ARHGAP35: variants seen among roughly 807,000 people sequenced by gnomAD.
The protein encoded by ARHGAP35 is Rho GTPase activating protein 35, also known as rho GTPase-activating protein 35.
ARHGAP35 carries 15 observed loss-of-function variants against 111.1 expected under a neutral mutation model. That is an observed-to-expected ratio of 0.13 (90% confidence interval 0.09 to 0.21). The LOEUF (loss-of-function observed/expected upper bound fraction) is 0.21, where lower values mean the gene tolerates loss of function less well. Ranked by LOEUF, ARHGAP35 falls within the 10% of genes least tolerant of loss-of-function variation. The pLI is 1.00. For synonymous variants in ARHGAP35, 643 were observed against 710.3 expected (o/e 0.91, Z 1.51); for missense variants, 1,262 against 1,873.0 (o/e 0.67, Z 6.02).
intron 1 of ARHGAP35, among the ~76,000 whole-genome samples, chr19:46,866,102 A>G (rs555121102): frequency 6.6e-6 from 1 of 152,264 alleles, no homozygotes; most frequent in South Asian, 2.1e-4. Flanking sequence ...CGGCCTCCCA[A>G]AATGCAGAGA....
intron 3 of ARHGAP35, among the ~76,000 whole-genome samples, chr19:46,950,805 C>T (rs1329168046): frequency 1.3e-5 from 2 of 152,176 alleles, no homozygotes; most frequent in East Asian, 3.8e-4. Context: ...ATGGTTTTTA[C>T]CTGCCGGGCC....
At chr19:46,861,644 C>T (rs1045532571) in intron 1 of ARHGAP35, among the ~76,000 whole-genome samples, 4 of 152,026 alleles carry the variant, frequency 2.6e-5, no homozygotes, top group Admixed American at 6.6e-5. Flanking sequence ...CATTCTGCAT[C>T]TCTTAATTGT....
Position 47,000,478 on chromosome 19 carries a change from G to A in ARHGAP35, c.4290G>A (p.Gln1430=), listed in dbSNP as rs1287277173. Residue 1430 remains glutamine (Q), a synonymous_variant, in exon 7 of 7, where the codon CAG becomes CAA. Transcript: ENST00000672722. The surrounding 1 kb of genome is among the most constrained non-coding windows in gnomAD (Gnocchi z 6.9). ...TYQTIIELFI[Q]QCPFFFYNRP... ...AGACAATCATTGAACTCTTTATCCA[G>A]CAGTGCCCCTTCTTCTTCTACAATC... 1 of 1,613,806 alleles carries A rather than the reference G, an allele frequency of 6.2e-7. No homozygotes were observed. Among genetic ancestry groups the A allele is most frequent in the East Asian group, 2.2e-5 (1 of 44,870 alleles).
In ARHGAP35 at chr19:46,992,083, C is replaced by T. The variant is rs562148802; in HGVS notation, c.4036+2408C>T. Among the ~76,000 whole-genome samples the T allele has an allele frequency of 3.3e-5, 5 of 152,320 alleles. No individual in the cohort carries two copies. Among genetic ancestry groups the T allele is most frequent in the East Asian group, 3.9e-4 (2 of 5,194 alleles). ...TTTTCCTCCCACACTCAAGGTGACA[C>T]GTGGGAGATTCAGAAATGAACAGCA... is the stretch of plus-strand genomic sequence containing the variant. On this transcript the variant is annotated intron_variant, in intron 5 of 6. Transcript: ENST00000672722. This position sits in a 1 kb window ranked among gnomAD's most constrained non-coding sequence, Gnocchi z 4.4.
rs910157682 is a variant in ARHGAP35, at chr19:46,908,189, TA to T, written c.-188-10290del. ...GAACTTTTTTCCTAGTGAGAAGTTT[TA>T]AAAAAAAATTAGTAGAGTATAACTG... On this transcript the variant is annotated intron_variant, in intron 1 of 6. Transcript: ENST00000672722. This position sits in a 1 kb window ranked among gnomAD's most constrained non-coding sequence, Gnocchi z 4.2. Among the ~76,000 whole-genome samples, 3 of 151,870 alleles carry T rather than the reference TA, an allele frequency of 2.0e-5. No homozygotes were observed. The highest frequency in any genetic ancestry group is 1.3e-4 in the Admixed American group (2 of 15,238).
Position 46,918,639 on chromosome 19 carries a change from T to C in ARHGAP35, c.-37T>C. On this transcript the variant is annotated 5_prime_UTR_variant, in exon 2 of 7. Coordinates refer to ENST00000672722, the MANE Select transcript of ARHGAP35 (RefSeq NM_004491.5). The surrounding 1 kb of genome is among the most constrained non-coding windows in gnomAD (Gnocchi z 5.4). ...TGGTCCATTGGAAACACTAATCTGA[T>C]CTCAGAAGTGGCTGATCGTGGCAGG... is the stretch of plus-strand genomic sequence containing the variant. 1.3e-6 allele frequency: 2 copies of C among 1,586,670 alleles called. No homozygotes were observed. The highest frequency in any genetic ancestry group is 1.7e-6 in the Non-Finnish European group (2 of 1,163,756).
chr19:46,892,943 C>T (rs1209324790), intron 1 of ARHGAP35, among the ~76,000 whole-genome samples: 1 of 152,118 alleles, frequency 6.6e-6, no homozygotes, highest in Non-Finnish European at 1.5e-5. Context: ...TCAGAGCTTC[C>T]TGGTGTTGCC....
In ARHGAP35 at chr19:46,993,011, C is replaced by T. The variant is rs934822941; in HGVS notation, c.4036+3336C>T. 5.3e-5 allele frequency among the ~76,000 whole-genome samples: 8 copies of T among 152,198 alleles called. No homozygotes were observed. The highest frequency in any genetic ancestry group is 1.9e-4 in the African/African-American group (8 of 41,442). On this transcript the variant is annotated intron_variant, in intron 5 of 6. Coordinates refer to ENST00000672722, the MANE Select transcript of ARHGAP35 (RefSeq NM_004491.5). The surrounding 1 kb of genome is among the most constrained non-coding windows in gnomAD (Gnocchi z 4.6). Reference sequence around the variant, plus strand: ...GGCACGGGGGTGCTTCTCACACCCACGTACGGGGTCATTAATTTCACAGCT... The same window carrying T: ...GGCACGGGGGTGCTTCTCACACCCATGTACGGGGTCATTAATTTCACAGCT...
intron 1 of ARHGAP35, among the ~76,000 whole-genome samples, chr19:46,914,873 C>T (rs1486689104): frequency 6.6e-6 from 1 of 152,178 alleles, no homozygotes; most frequent in Non-Finnish European, 1.5e-5. Context: ...ACAGTTGAGT[C>T]ACAGACAAGG....
chr19:46,964,134 C>CT (rs1296709740), intron 3 of ARHGAP35, among the ~76,000 whole-genome samples: 1 of 151,574 alleles, frequency 6.6e-6, no homozygotes, highest in Non-Finnish European at 1.5e-5. Context: ...TCCTGAAGTG[C>CT]TGGGATTACA....
chr19:47,000,718 C>T lies in ARHGAP35; in HGVS notation c.*30C>T, dbSNP rs757409358. Reference sequence around the variant, plus strand: ...CCAAGACCTGGGGCGACAGGAGAACCGGTCCTCTCTCTGACGGGGTGGCAT... The same window carrying T: ...CCAAGACCTGGGGCGACAGGAGAACTGGTCCTCTCTCTGACGGGGTGGCAT... On this transcript the variant is annotated 3_prime_UTR_variant, in exon 7 of 7. Transcript: ENST00000672722. This position sits in a 1 kb window ranked among gnomAD's most constrained non-coding sequence, Gnocchi z 6.9. 18 of 1,539,332 alleles carry T rather than the reference C, an allele frequency of 1.2e-5. No individual in the cohort carries two copies. The highest frequency in any genetic ancestry group is 1.7e-4 in the Middle Eastern group (1 of 5,816).
At position 46,994,890 on chromosome 19, in the gene ARHGAP35, AGGCAAGAATGGGGCGCT is replaced by A. The variant is rs1328169475; in HGVS notation, c.4037-4412_4037-4396del. Among the ~76,000 whole-genome samples the A allele has an allele frequency of 6.6e-6, 1 of 152,156 alleles. No homozygotes were observed. The highest frequency in any genetic ancestry group is 2.4e-5 in the African/African-American group (1 of 41,432). On this transcript the variant is annotated intron_variant, in intron 5 of 6. Transcript: ENST00000672722. This position sits in a 1 kb window ranked among gnomAD's most constrained non-coding sequence, Gnocchi z 5.4. ...ATGAAAGAATTCGCATTGTCTGACAAGGCAAGAATGGGGCGCTGTCACCACACAACCTCACCCATCCC... is the reference window on the plus strand; with the variant it reads ...ATGAAAGAATTCGCATTGTCTGACAAGTCACCACACAACCTCACCCATCCC...
At chr19:46,933,275 C>G (rs552967990) in intron 2 of ARHGAP35, among the ~76,000 whole-genome samples, 4 of 151,596 alleles carry the variant, frequency 2.6e-5, no homozygotes, top group African/African-American at 9.7e-5. Context: ...TCTCGAGTTG[C>G]TGGGACTACA....
intron 3 of ARHGAP35, among the ~76,000 whole-genome samples, chr19:46,949,764 A>T (rs573692658): frequency 2.0e-5 from 3 of 152,328 alleles, no homozygotes; most frequent in South Asian, 2.1e-4. Context: ...TTTCAAAGGG[A>T]GTTTTTGACA....
chr19:46,970,810 T>C (rs1426198601), intron 3 of ARHGAP35, among the ~76,000 whole-genome samples: 1 of 152,124 alleles, frequency 6.6e-6, no homozygotes, highest in East Asian at 1.9e-4. Context: ...TTGTTGGGAC[T>C]TAAAGGATGA....
At chr19:46,884,382 G>A (rs1188544997) in intron 1 of ARHGAP35, among the ~76,000 whole-genome samples, 2 of 151,740 alleles carry the variant, frequency 1.3e-5, no homozygotes, top group Non-Finnish European at 2.9e-5. Context: ...ACATATGTAG[G>A]TATATACTTA....
chr19:46,937,944 T>G (rs893214218), intron 3 of ARHGAP35, among the ~76,000 whole-genome samples: 1 of 152,242 alleles, frequency 6.6e-6, no homozygotes, highest in African/African-American at 2.4e-5. Flanking sequence ...GCCGCTCCTC[T>G]GACAACTTGA....
At chr19:46,898,654 A>C (rs1192493106) in intron 1 of ARHGAP35, among the ~76,000 whole-genome samples, 1 of 152,210 alleles carries the variant, frequency 6.6e-6, no homozygotes, top group East Asian at 1.9e-4. Context: ...ACTTAAATGC[A>C]AGGGATTTAT....
rs548535239 is a variant in ARHGAP35, at chr19:46,894,216, C to T, written c.-188-24272C>T. On this transcript the variant is annotated intron_variant, in intron 1 of 6. Transcript: ENST00000672722. The stretch of plus-strand genomic sequence containing the variant: ...TCCACACTACTTGGAAGCTCATGGA[C>T]AAAGTCAAGCTTTCTTTAGATCTGG... Among the ~76,000 whole-genome samples the T allele has an allele frequency of 8.1e-4, 123 of 152,178 alleles. 1 individual carries two copies. Among genetic ancestry groups the T allele is most frequent in the African/African-American group, 2.9e-3 (122 of 41,518 alleles).
Sources: gnomAD v4.1 joint callset for allele counts (sites outside exome capture counted in the v4.1 genomes callset) on GRCh38, gnomAD v4.1.1 for gene constraint, Gnocchi (gnomAD v3.1) non-coding constraint, MANE v1.5 for transcripts, NCBI Gene and HGNC (gene_info 2026-07-23, HGNC 2026-07-21) for gene names.